Variants in AGPS observed in about 807,000 individuals in gnomAD.
AGPS encodes alkyldihydroxyacetonephosphate synthase, peroxisomal.
AGPS carries 26 observed loss-of-function variants against 90.7 expected under a neutral mutation model. The observed-to-expected ratio is 0.29, with a 90% confidence interval of 0.21 to 0.40. The LOEUF (loss-of-function observed/expected upper bound fraction) is 0.40, where lower values mean the gene tolerates loss of function less well. Among genes scored for constraint, AGPS ranks in the 10% least tolerant of loss-of-function variants. The pLI is 1.00. For synonymous variants in AGPS, 294 were observed against 285.3 expected, an observed-to-expected ratio of 1.03 and a Z score of -0.31; for missense variants, 540 against 816.1, an observed-to-expected ratio of 0.66 and a Z score of 4.12.
intron 10 of AGPS, 149 bp downstream of exon 10, chr2:177,468,673 GT>G (rs1383879018): frequency 1.7e-6 from 1 of 599,882 alleles, no homozygotes. Flanking sequence ...AGACTATAAA[GT>G]TTTATTATGA....
intron 5 of AGPS, among the ~76,000 whole-genome samples, chr2:177,439,875 T>G (rs964896895): frequency 6.6e-6 from 1 of 152,166 alleles, no homozygotes; most frequent in Non-Finnish European, 1.5e-5. Flanking sequence ...ACTAATGTCC[T>G]ATTGCCAGTC....
rs141044576 is a variant in AGPS, at chr2:177,477,460, A to G, written c.1106-4599A>G. On this transcript the variant is annotated intron_variant, in intron 10 of 19. Transcript: ENST00000264167. Reference sequence around the variant, plus strand: ...TCCAAACATGAAGATCCAAAATCCAAAATGCTCCAAAATTTGAGACTTCTT... The same window carrying G: ...TCCAAACATGAAGATCCAAAATCCAGAATGCTCCAAAATTTGAGACTTCTT... Among the ~76,000 whole-genome samples, 14 of 152,256 alleles carry G rather than the reference A, an allele frequency of 9.2e-5. 1 individual carries two copies. In the East Asian group the frequency reaches 2.7e-3, roughly 29 times the overall value.
chr2:177,456,874 A>T (rs1194224701), intron 8 of AGPS, among the ~76,000 whole-genome samples: 2 of 152,172 alleles, frequency 1.3e-5, no homozygotes, highest in Admixed American at 1.3e-4. Flanking sequence ...TCCACCCCAA[A>T]TCAACAGAAT....
rs147890544 is a variant in AGPS at position 177,534,552 on chromosome 2, G to A, written c.1856-3522G>A. Among the ~76,000 whole-genome samples the A allele has an allele frequency of 1.4e-3, 134 of 95,364 alleles. 3 individuals are homozygous for A. Among genetic ancestry groups the A allele is most frequent in the East Asian group, 7.2e-3 (24 of 3,346 alleles). 62.6% of individuals were successfully genotyped at this position (95,364 alleles called of 152,430 possible). A position where few individuals can be genotyped will look rare whatever the true frequency, so the allele number is the denominator to read the frequency against. On this transcript the variant is annotated intron_variant, in intron 19 of 19. Coordinates refer to ENST00000264167, the MANE Select transcript of AGPS (RefSeq NM_003659.4). ...ATTTAAGCACAGCCCCCCACCCCCCGCCCCATTAGTTTTCTTTCTTTTCTT... is the reference window on the plus strand; with the variant it reads ...ATTTAAGCACAGCCCCCCACCCCCCACCCCATTAGTTTTCTTTCTTTTCTT...
intron 2 of AGPS, among the ~76,000 whole-genome samples, chr2:177,433,739 G>A (rs1044325415): frequency 5.3e-5 from 8 of 151,880 alleles, no homozygotes; most frequent in Admixed American, 3.9e-4. Context: ...TCTAAATTCT[G>A]TCTCCCTGTG....
chr2:177,491,262 T>A (rs1688249802), intron 11 of AGPS, among the ~76,000 whole-genome samples: 2 of 91,944 alleles, frequency 2.2e-5, no homozygotes, highest in South Asian at 9.6e-4. Context: ...TCTAAGAAAA[T>A]CAGTAGGAAT....
chr2:177,454,369 A>G (rs1290114018), intron 8 of AGPS, among the ~76,000 whole-genome samples: 1 of 151,834 alleles, frequency 6.6e-6, no homozygotes, highest in African/African-American at 2.4e-5. Flanking sequence ...CTCAGACATT[A>G]TATTTTTCAT....
intron 1 of AGPS, among the ~76,000 whole-genome samples, chr2:177,401,721 T>C (rs527616693): frequency 6.6e-6 from 1 of 152,216 alleles, no homozygotes; most frequent in East Asian, 1.9e-4. Flanking sequence ...ATTTTTGTAT[T>C]TTTAGTAGAG....
intron 1 of AGPS, chr2:177,393,647 T>TTAAGGTTTA (rs1685087732): frequency 1.2e-6 from 1 of 865,022 alleles, no homozygotes; most frequent in Admixed American, 6.2e-5. Context: ...GGTGTGGTGG[T>TTAAGGTTTA]ATAGCTACTG....
rs751398155 is a variant in AGPS, at chr2:177,505,595, C to T, written c.1545+20C>T. The T allele has an allele frequency of 6.3e-7, 1 of 1,588,660 alleles. No homozygotes were observed. The highest frequency in any genetic ancestry group is 1.1e-5 in the South Asian group (1 of 90,456). On this transcript the variant is annotated intron_variant, in intron 15 of 19. Coordinates refer to ENST00000264167, the MANE Select transcript of AGPS (RefSeq NM_003659.4). ...ATTCGAGTAAGTTATATCATATTTCCCTTGCCACTTAATTTATGTTGCAAA... is the reference window on the plus strand; with the variant it reads ...ATTCGAGTAAGTTATATCATATTTCTCTTGCCACTTAATTTATGTTGCAAA...
Position 177,466,000 on chromosome 2 carries a change from G to A in AGPS, c.997-2416G>A, listed in dbSNP as rs1424267576. Among the ~76,000 whole-genome samples the A allele has an allele frequency of 2.6e-5, 4 of 152,234 alleles. 1 individual carries two copies. The highest frequency in any genetic ancestry group is 4.1e-4 in the South Asian group (2 of 4,836). On this transcript the variant is annotated intron_variant, in intron 9 of 19. Coordinates refer to ENST00000264167, the MANE Select transcript of AGPS (RefSeq NM_003659.4). Reference sequence around the variant, plus strand: ...AGTGGAGGGTGAGCAAGGTGAAGGAGTGCTTTATTGAGTGACAAAACAGCT... The same window carrying A: ...AGTGGAGGGTGAGCAAGGTGAAGGAATGCTTTATTGAGTGACAAAACAGCT...
At chr2:177,489,363 C>A (rs576164952) in intron 11 of AGPS, among the ~76,000 whole-genome samples, 4 of 151,898 alleles carry the variant, frequency 2.6e-5, no homozygotes, top group African/African-American at 9.7e-5. Flanking sequence ...GGATTACAGG[C>A]GTGAGCCACC....
chr2:177,420,468 C>A, intron 2 of AGPS, 110 bp downstream of exon 2: 1 of 824,842 alleles, frequency 1.2e-6, no homozygotes, highest in Non-Finnish European at 2.0e-6. Context: ...TAAACATTAT[C>A]AACATTTTGC....
intron 8 of AGPS, among the ~76,000 whole-genome samples, chr2:177,450,078 C>G (rs1477872363): frequency 1.3e-5 from 2 of 152,096 alleles, no homozygotes; most frequent in Non-Finnish European, 2.9e-5. Context: ...ACCTTGTGAT[C>G]CATCTACCTC....
rs543884300 is a variant in AGPS, at chr2:177,513,954, GT to G, written c.1697+54del. On this transcript the variant is annotated intron_variant, in intron 17 of 19. Coordinates refer to ENST00000264167, the MANE Select transcript of AGPS (RefSeq NM_003659.4). ...TTATACTTCTTATTCTGAAAAAAAT[GT>G]TTTTTTTAATCAAGGGGGGGAATAT... The G allele has an allele frequency of 4.4e-5, 63 of 1,433,866 alleles. 1 individual carries two copies. The highest frequency in any genetic ancestry group is 6.0e-5 in the Non-Finnish European group (61 of 1,018,872). 88.8% of individuals were successfully genotyped at this position (1,433,866 alleles called of 1,614,324 possible).
chr2:177,486,341 T>C (rs188382938), intron 11 of AGPS, among the ~76,000 whole-genome samples: 52 of 152,292 alleles, frequency 3.4e-4, no homozygotes, highest in African/African-American at 6.7e-4. Context: ...TTAGGGAAAG[T>C]TGTATATTAG....
At chr2:177,416,754 C>A (rs555238069) in intron 1 of AGPS, among the ~76,000 whole-genome samples, 23 of 152,016 alleles carry the variant, frequency 1.5e-4, no homozygotes, top group South Asian at 2.1e-4. Flanking sequence ...TGGTCTTGAT[C>A]TCCTGACCTT....
intron 14 of AGPS, 23 bp downstream of exon 14, chr2:177,499,753 C>T (rs768650498): frequency 6.9e-7 from 1 of 1,444,076 alleles, no homozygotes; most frequent in East Asian, 2.3e-5. Flanking sequence ...GTTCATAATG[C>T]CAAGAGAAAG....
intron 19 of AGPS, among the ~76,000 whole-genome samples, chr2:177,527,351 C>G (rs575546788): frequency 2.6e-5 from 4 of 152,242 alleles, no homozygotes; most frequent in African/African-American, 9.6e-5. Context: ...TTGCTTGACC[C>G]TGGGAGGTTG....
Sources: allele counts gnomAD v4.1 joint callset (sites outside exome capture counted in the v4.1 genomes callset), GRCh38; gene constraint gnomAD v4.1.1; transcripts MANE v1.5; gene names NCBI Gene and HGNC (gene_info 2026-07-23, HGNC 2026-07-21).